Variants in WDR41 observed in about 807,000 individuals in gnomAD.
WDR41 encodes the protein WD repeat-containing protein 41.
In WDR41, 63 loss-of-function variants were observed where a neutral mutation model predicts 69.3. That is an observed-to-expected ratio of 0.91 (90% CI 0.74 to 1.12). The LOEUF is 1.12. WDR41 is among the 50% of genes most tolerant of loss of function. The probability of loss-of-function intolerance (pLI) is 0.00; values close to 1 mark genes in which losing one functional copy is unlikely to be tolerated. For missense variants in WDR41, 543 were observed against 534.5 expected (o/e 1.02, Z -0.16); for synonymous variants, 185 against 192.1 (o/e 0.96, Z 0.31).
intron 10 of WDR41, 107 bp downstream of exon 10, chr5:77,438,133 A>G: frequency 6.7e-7 from 1 of 1,497,862 alleles, no homozygotes; most frequent in Non-Finnish European, 9.1e-7. Flanking sequence ...AGAACACAGC[A>G]GGTCAAGCCA....
intron 1 of WDR41, among the ~76,000 whole-genome samples, chr5:77,497,437 G>A (rs1043453447): frequency 6.6e-6 from 1 of 152,054 alleles, no homozygotes; most frequent in African/African-American, 2.4e-5. Flanking sequence ...ACTGGGCAAA[G>A]GACTTGAGTA....
At chr5:77,583,242 C>T in intron 1 of WDR41, 1 of 644,812 alleles carries the variant, frequency 1.6e-6, no homozygotes, top group Middle Eastern at 4.2e-4. Flanking sequence ...TACCCACAGG[C>T]CAGGCGCCGT....
chr5:77,436,480 G>A, intron 11 of WDR41, 86 bp from the exon 12 acceptor site: 1 of 1,530,408 alleles, frequency 6.5e-7, no homozygotes, highest in East Asian at 2.3e-5. Context: ...ATGTGAAGAG[G>A]TTCCAGACTT....
intron 1 of WDR41, among the ~76,000 whole-genome samples, chr5:77,610,521 A>G (rs1744525390): frequency 6.6e-6 from 1 of 152,028 alleles, no homozygotes; most frequent in African/African-American, 2.4e-5. Flanking sequence ...AAAGAAAAGA[A>G]TTTTCAACCC....
rs762787840 is a variant in WDR41 at position 77,437,366 on chromosome 5, GT to G, written c.1062del (p.Lys354AsnfsTer48). ...GSVRIWELRE[K>X]QQLAAEPVPT... The stretch of plus-strand genomic sequence containing the variant: ...GGTACAGGCTCAGCTGCAAGCTGCT[GT>G]TTTTCTCTTAACTCCCAAATGCGTA... On this transcript the variant is annotated frameshift_variant, in exon 11 of 13. Coordinates refer to ENST00000296679, the MANE Select transcript of WDR41 (RefSeq NM_018268.4). LOFTEE classifies it high-confidence loss of function. 6.2e-7 allele frequency: 1 copy of G among 1,613,814 alleles called. No individual in the cohort carries two copies. Among genetic ancestry groups the G allele is most frequent in the Non-Finnish European group, 8.5e-7 (1 of 1,179,900 alleles).
At chr5:77,444,114 A>C (rs1305725707) in intron 8 of WDR41, among the ~76,000 whole-genome samples, 1 of 152,048 alleles carries the variant, frequency 6.6e-6, no homozygotes, top group East Asian at 1.9e-4. Context: ...TCCTGACCTC[A>C]GGTGATCCAC....
At chr5:77,605,571 G>A (rs780326430) in intron 1 of WDR41, among the ~76,000 whole-genome samples, 1 of 152,220 alleles carries the variant, frequency 6.6e-6, no homozygotes, top group East Asian at 1.9e-4. Flanking sequence ...CTGAAGGGCA[G>A]AGCTGCTTAG....
Position 77,489,611 on chromosome 5 carries a change from C to A in WDR41, c.52-39G>T, listed in dbSNP as rs552103406. 90 of 1,242,370 alleles carry A rather than the reference C, an allele frequency of 7.2e-5. No individual in the cohort carries two copies. In the East Asian group the frequency reaches 1.5e-3, roughly 21 times the overall value. The allele number at this position is 1,242,370 out of a possible 1,614,324, so 77.0% of individuals were successfully genotyped here. A position where few individuals can be genotyped will look rare whatever the true frequency, so the allele number is the denominator to read the frequency against. ...AAAAAAAAAAGCAAAAAACAAAAGA[C>A]AAAAAAAGAGATAAAATGATTTGTA... On this transcript the variant is annotated intron_variant, in intron 1 of 12. Transcript: ENST00000296679.
intron 1 of WDR41, among the ~76,000 whole-genome samples, chr5:77,526,630 A>G (rs1429547407): frequency 1.3e-5 from 2 of 152,090 alleles, no homozygotes; most frequent in African/African-American, 2.4e-5. Context: ...TTAACACTTC[A>G]ATGATTACTA....
chr5:77,490,968 T>A (rs1801749547), intron 1 of WDR41, among the ~76,000 whole-genome samples: 1 of 152,238 alleles, frequency 6.6e-6, no homozygotes, highest in Non-Finnish European at 1.5e-5. Flanking sequence ...TCTAAACAAA[T>A]ACTTCTTATG....
At chr5:77,491,272 A>G (rs1187733248) in intron 1 of WDR41, 3 of 288,498 alleles carry the variant, frequency 1.0e-5, no homozygotes, top group Non-Finnish European at 2.2e-5. Context: ...CCCGCCAGAG[A>G]ACAACTCCCC....
chr5:77,546,081 C>G, intron 1 of WDR41: 1 of 546,132 alleles, frequency 1.8e-6, no homozygotes, highest in South Asian at 3.4e-5. Flanking sequence ...TGCACTGCCA[C>G]CCTGGGCAAC....
At chr5:77,435,116 C>A (rs368020011) in intron 12 of WDR41, among the ~76,000 whole-genome samples, 2 of 152,108 alleles carry the variant, frequency 1.3e-5, no homozygotes, top group African/African-American at 4.8e-5. Flanking sequence ...TTCTGCCTAC[C>A]ACAGTCCATG....
At chr5:77,499,629 G>A (rs1027816538) in intron 1 of WDR41, 6 of 152,252 alleles carry the variant, frequency 3.9e-5, no homozygotes, top group African/African-American at 1.4e-4. Flanking sequence ...ACCAGAGGTG[G>A]AGCAATTACG....
In WDR41 at chr5:77,614,787, T is replaced by C. The variant is rs567948299; in HGVS notation, c.42+5692A>G. 2.0e-4 allele frequency among the ~76,000 whole-genome samples: 30 copies of C among 149,892 alleles called. No homozygotes were observed. In the South Asian group the frequency reaches 6.4e-3, roughly 32 times the overall value. On this transcript the variant is annotated intron_variant, in intron 1 of 5. Transcript: ENST00000509971. ...ACATTGTGCACATGTACCCTAAAAC[T>C]TAAAGTATAATAATAATAAAATAAA...
chr5:77,567,184 G>A (rs1453185341), intron 1 of WDR41, among the ~76,000 whole-genome samples: 4 of 151,986 alleles, frequency 2.6e-5, no homozygotes. Flanking sequence ...TTGCAGTTTT[G>A]GAATAGCATG....
At chr5:77,448,996 C>T (rs1301754245) in intron 8 of WDR41, among the ~76,000 whole-genome samples, 1 of 152,134 alleles carries the variant, frequency 6.6e-6, no homozygotes, top group Non-Finnish European at 1.5e-5. Flanking sequence ...CTTACAGGAT[C>T]GTCCTGCAGG....
At chr5:77,582,620 A>G (rs1743959431) in intron 1 of WDR41, 3 of 1,601,336 alleles carry the variant, frequency 1.9e-6, no homozygotes, top group Non-Finnish European at 2.5e-6. Flanking sequence ...GGCAACTTCT[A>G]TGTACCTGCA....
upstream of WDR41, chr5:77,492,375 G>A: frequency 1.1e-6 from 1 of 940,210 alleles, no homozygotes; most frequent in Non-Finnish European, 1.5e-6. Flanking sequence ...GCAGACCACA[G>A]TTGAGGGAGA....
Sources: allele counts gnomAD v4.1 joint callset (sites outside exome capture counted in the v4.1 genomes callset), GRCh38; gene constraint gnomAD v4.1.1; transcripts MANE v1.5; gene names NCBI Gene and HGNC (gene_info 2026-07-23, HGNC 2026-07-21).